Variants in DNAJC3 observed in about 807,000 individuals in gnomAD.
The protein encoded by DNAJC3 is dnaJ homolog subfamily C member 3.
In DNAJC3, 38 loss-of-function variants were observed where a neutral mutation model predicts 68.6. The observed-to-expected ratio is 0.55, with a 90% CI of 0.43 to 0.73. The LOEUF (loss-of-function observed/expected upper bound fraction) is 0.73. DNAJC3 is among the 30% of genes least tolerant of loss of function. DNAJC3 has a pLI of 0.00. For synonymous variants in DNAJC3, 203 were observed against 204.0 expected, an observed-to-expected ratio of 1.00 and a Z score of 0.04; for missense variants, 526 against 591.9, an observed-to-expected ratio of 0.89 and a Z score of 1.16.
intron 11 of DNAJC3, among the ~76,000 whole-genome samples, chr13:95,788,510 T>C (rs1883668882): frequency 6.6e-6 from 1 of 152,254 alleles, no homozygotes; most frequent in Non-Finnish European, 1.5e-5. Flanking sequence ...AGTTTTTTAC[T>C]ATGCATATAT....
chr13:95,749,998 C>T (rs1013758954), intron 4 of DNAJC3, among the ~76,000 whole-genome samples: 16 of 151,756 alleles, frequency 1.1e-4, no homozygotes, highest in African/African-American at 3.4e-4. Flanking sequence ...TGTAGTGAGC[C>T]TCTAATTAGT....
At chr13:95,707,055 G>T (rs977684969) in intron 1 of DNAJC3, among the ~76,000 whole-genome samples, 1 of 152,186 alleles carries the variant, frequency 6.6e-6, no homozygotes, top group Non-Finnish European at 1.5e-5. Context: ...TGGGTAGGGG[G>T]AGGATAGTTT....
intron 4 of DNAJC3, among the ~76,000 whole-genome samples, chr13:95,756,975 A>T (rs17879802): frequency 1.2e-4 from 18 of 151,630 alleles, no homozygotes; most frequent in South Asian, 2.1e-4. Context: ...TTTATTTTTT[A>T]AAAAATCATA....
intron 4 of DNAJC3, among the ~76,000 whole-genome samples, chr13:95,748,636 C>T (rs963421636): frequency 6.6e-6 from 1 of 152,198 alleles, no homozygotes; most frequent in Non-Finnish European, 1.5e-5. Context: ...GCCAACATGG[C>T]GAAACCCTGT....
intron 9 of DNAJC3, among the ~76,000 whole-genome samples, chr13:95,775,924 C>T (rs1883278749): frequency 6.6e-6 from 1 of 152,112 alleles, no homozygotes; most frequent in African/African-American, 2.4e-5. Context: ...TTACTAAGAA[C>T]ATCTTGAGAT....
At chr13:95,728,871 T>A (rs1255868654) in intron 4 of DNAJC3, among the ~76,000 whole-genome samples, 2 of 152,186 alleles carry the variant, frequency 1.3e-5, no homozygotes, top group Non-Finnish European at 2.9e-5. Flanking sequence ...CTACCCTACT[T>A]TGCTATTAAA....
intron 1 of DNAJC3, among the ~76,000 whole-genome samples, chr13:95,683,269 A>G (rs1361265809): frequency 6.6e-6 from 1 of 152,122 alleles, no homozygotes; most frequent in Non-Finnish European, 1.5e-5. Flanking sequence ...TTACATGGGT[A>G]TATTGTGTAA....
At chr13:95,731,124 CTATTGATTTTTGTA>C (rs1430123633) in intron 4 of DNAJC3, among the ~76,000 whole-genome samples, 1 of 151,930 alleles carries the variant, frequency 6.6e-6, no homozygotes, top group African/African-American at 2.4e-5. Flanking sequence ...TATAGAGATG[CTATTGATTTTTGTA>C]TGTTGATTTA....
chr13:95,772,037 C>A (rs993202318), intron 9 of DNAJC3, among the ~76,000 whole-genome samples: 1 of 152,296 alleles, frequency 6.6e-6, no homozygotes, highest in Admixed American at 6.5e-5. Context: ...AGAGACCCTG[C>A]GCACCATGTG....
At chr13:95,708,360 CAGT>C (rs937907784) in intron 1 of DNAJC3, among the ~76,000 whole-genome samples, 7 of 152,220 alleles carry the variant, frequency 4.6e-5, no homozygotes, top group African/African-American at 1.7e-4. Flanking sequence ...ATTGATTCCA[CAGT>C]AGTTCCCTGT....
Position 95,787,150 on chromosome 13 carries a change from A to T in DNAJC3, c.1352A>T (p.Asp451Val). 4 of 1,609,372 alleles carry T rather than the reference A, an allele frequency of 2.5e-6. No individual in the cohort carries two copies. Among genetic ancestry groups the T allele is most frequent in the Non-Finnish European group, 3.4e-6 (4 of 1,178,870 alleles). The change falls in exon 11 of 12, where the codon GAT becomes GTT. Residue 451 changes from aspartate (D) to valine (V), a missense_variant. Transcript: ENST00000602402. Reference sequence around the variant, plus strand: ...GCAGCTGCTAAAGAAGTCCTCTCTGATCCAGGTATTATTAGCTTTTATTCC... The same window carrying T: ...GCAGCTGCTAAAGAAGTCCTCTCTGTTCCAGGTATTATTAGCTTTTATTCC... Reference protein sequence around the residue: ...DIAAAKEVLSDPEMRKKFDDG... With the variant: ...DIAAAKEVLSVPEMRKKFDDG...
chr13:95,709,108 T>A (rs1280031680), intron 1 of DNAJC3, 119 bp from the exon 2 acceptor site: 1 of 627,288 alleles, frequency 1.6e-6, no homozygotes, highest in Non-Finnish European at 2.4e-6. Context: ...TTTCAGCTTC[T>A]GTGACTTTTC....
intron 4 of DNAJC3, among the ~76,000 whole-genome samples, chr13:95,728,096 C>G (rs187149788): frequency 3.3e-5 from 5 of 152,172 alleles, no homozygotes; most frequent in Admixed American, 2.6e-4. Context: ...TAGTTTGTTC[C>G]TTTTAGATGC....
At chr13:95,725,876 C>T (rs1400769098) in intron 4 of DNAJC3, among the ~76,000 whole-genome samples, 1 of 140,370 alleles carries the variant, frequency 7.1e-6, no homozygotes, top group East Asian at 2.2e-4. Context: ...TTCCTGTGTC[C>T]ACGTGTTCTC....
chr13:95,779,560 GTTAGATCCTTCATTT>G (rs1194896029), intron 9 of DNAJC3, among the ~76,000 whole-genome samples: 1 of 152,028 alleles, frequency 6.6e-6, no homozygotes, highest in Non-Finnish European at 1.5e-5. Flanking sequence ...ATTTCCTTTT[GTTAGATCCTTCATTT>G]TTATCTTCTC....
At chr13:95,785,809 G>A (rs1883585064) in intron 9 of DNAJC3, 130 bp from the exon 10 acceptor site, 2 of 798,720 alleles carry the variant, frequency 2.5e-6, no homozygotes, top group Admixed American at 3.7e-5. Context: ...ATCACTTAAG[G>A]TTTTTGGCAA....
intron 11 of DNAJC3, among the ~76,000 whole-genome samples, chr13:95,788,477 A>G (rs181220415): frequency 7.1e-4 from 108 of 152,362 alleles, no homozygotes; most frequent in African/African-American, 2.5e-3. Flanking sequence ...AGGATGAACT[A>G]TCTTTTCTTT....
intron 9 of DNAJC3, among the ~76,000 whole-genome samples, chr13:95,774,580 T>C (rs1205052521): frequency 6.6e-6 from 1 of 152,246 alleles, no homozygotes; most frequent in Non-Finnish European, 1.5e-5. Flanking sequence ...TTTGATAATC[T>C]GTTGTGGAAA....
rs977920405 is a variant in DNAJC3, at chr13:95,737,607, G to A, written c.393+12355G>A. On this transcript the variant is annotated intron_variant, in intron 4 of 11. Transcript: ENST00000602402. ...CTTCTAGATTTTCTAGTTTATTTGC[G>A]TAGAGGTGTTTGTAGTATTCTCTGA... Among the ~76,000 whole-genome samples the A allele has an allele frequency of 2.0e-3, 310 of 151,950 alleles. 2 individuals are homozygous for A. Among genetic ancestry groups the A allele is most frequent in the Non-Finnish European group, 3.5e-3 (235 of 67,960 alleles).
Sources: allele counts gnomAD v4.1 joint callset (sites outside exome capture counted in the v4.1 genomes callset), GRCh38; gene constraint gnomAD v4.1.1; transcripts MANE v1.5; gene names NCBI Gene and HGNC (gene_info 2026-07-23, HGNC 2026-07-21).